AKR1D1: variants seen among roughly 807,000 people sequenced by gnomAD.
AKR1D1 encodes the protein aldo-keto reductase family 1 member D1, also known as delta(4)-3-ketosteroid 5-beta-reductase.
AKR1D1 carries 32 observed loss-of-function variants against 42.6 expected under a neutral mutation model. The ratio of observed to expected loss-of-function variants is 0.75; its 90% CI spans 0.57 to 1.01. AKR1D1 has a LOEUF of 1.01. AKR1D1 is among the 50% of genes least tolerant of loss of function. The pLI, the probability that AKR1D1 is intolerant of heterozygous loss-of-function variation, is 0.00. For synonymous variants in AKR1D1, 123 were observed against 135.5 expected (o/e 0.91, Z 0.64); for missense variants, 364 against 402.2 (o/e 0.91, Z 0.81).
chr7:138,113,736 C>A lies in AKR1D1; in HGVS notation c.902C>A (p.Ala301Asp). The change falls in exon 8 of 9, where the codon GCC becomes GAC. Residue 301 changes from alanine to aspartate, a missense_variant. Ala to Asp is a moderately radical substitution (Grantham distance 126). Transcript: ENST00000242375. Reference sequence around the variant, plus strand: ...GAAGAAGAAATGAAGGACATTGAAGCCTTGAATAAAAATGTCCGCTTTGTA... The same window carrying A: ...GAAGAAGAAATGAAGGACATTGAAGACTTGAATAAAAATGTCCGCTTTGTA... The part of the protein sequence containing the change: ...LTEEEMKDIE[A>D]LNKNVRFVEL... The A allele has an allele frequency of 6.2e-7, 1 of 1,614,096 alleles. No homozygotes were observed. Among genetic ancestry groups the A allele is most frequent in the South Asian group, 1.1e-5 (1 of 91,076 alleles).
chr7:138,099,846 G>GA (rs1209398308), intron 4 of AKR1D1, among the ~76,000 whole-genome samples: 14 of 114,438 alleles, frequency 1.2e-4, no homozygotes, highest in Admixed American at 6.1e-4. Flanking sequence ...CTACAAAAAA[G>GA]AAAAAAAAAG....
Position 138,109,025 on chromosome 7 carries a change from C to G in AKR1D1, c.855+1445C>G, listed in dbSNP as rs531620531. Among the ~76,000 whole-genome samples, 6 of 152,298 alleles carry G rather than the reference C, an allele frequency of 3.9e-5. No homozygotes were observed. The South Asian group carries it at 1.0e-3, about 26-fold the overall frequency. ...GCACATATATACATGGGTGCACACA[C>G]ACAGACAGATGTTTATTATAGAATT... On this transcript the variant is annotated intron_variant, in intron 7 of 8. Coordinates refer to ENST00000242375, the MANE Select transcript of AKR1D1 (RefSeq NM_005989.4).
chr7:138,087,793 A>C (rs774625003), intron 1 of AKR1D1, among the ~76,000 whole-genome samples: 2 of 152,050 alleles, frequency 1.3e-5, no homozygotes, highest in Non-Finnish European at 2.9e-5. Context: ...GAAGAGAAAA[A>C]CTAAAGTATT....
chr7:138,098,242 C>A, intron 4 of AKR1D1: 2 of 263,896 alleles, frequency 7.6e-6, no homozygotes, highest in Non-Finnish European at 1.4e-5. Flanking sequence ...AAGATAAATT[C>A]ACAAATCAAA....
At position 138,106,607 on chromosome 7, in the gene AKR1D1, G is replaced by A. The variant is rs749744865; in HGVS notation, c.580-1G>A. 12 of 1,613,544 alleles carry A rather than the reference G, an allele frequency of 7.4e-6. No individual in the cohort carries two copies. The highest frequency in any genetic ancestry group is 1.0e-5 in the Non-Finnish European group (12 of 1,179,472). The stretch of plus-strand genomic sequence containing the variant: ...CTCTGCTCTCCAATGCAACCACATA[G>A]GTTGAGTGCCATCCGTATTTCACCC... On this transcript the variant is annotated splice_acceptor_variant, in intron 5 of 8. Coordinates refer to ENST00000242375, the MANE Select transcript of AKR1D1 (RefSeq NM_005989.4). LOFTEE classifies it high-confidence loss of function.
chr7:138,087,643 A>G (rs933955543), intron 1 of AKR1D1, among the ~76,000 whole-genome samples: 4 of 152,086 alleles, frequency 2.6e-5, no homozygotes, highest in Non-Finnish European at 5.9e-5. Flanking sequence ...AATAATGAAC[A>G]TATCTATCAA....
At chr7:138,107,371 T>C (rs1324688037) in intron 6 of AKR1D1, 44 bp from the exon 7 acceptor site, 1 of 1,601,418 alleles carries the variant, frequency 6.2e-7, no homozygotes, top group South Asian at 1.1e-5. Context: ...CCTTTGGTTC[T>C]CATTATGCAA....
In AKR1D1 at chr7:138,088,679, T is replaced by C. The variant is rs758380535; in HGVS notation, c.172T>C (p.Tyr58His). 1.2e-6 allele frequency: 2 copies of C among 1,613,922 alleles called. No individual in the cohort carries two copies. The highest frequency in any genetic ancestry group is 1.7e-6 in the Non-Finnish European group (2 of 1,180,002). Residue 58 changes from tyrosine (Y) to histidine (H), a missense_variant, in exon 2 of 9, where the codon TAC becomes CAC. By Grantham distance (83) the Tyr-to-His change is moderately conservative. Transcript: ENST00000242375. Reference sequence around the variant, plus strand: ...CCGACATATTGATGGGGCCTACATCTACCAAAATGAACACGAAGTTGGGGA... The same window carrying C: ...CCGACATATTGATGGGGCCTACATCCACCAAAATGAACACGAAGTTGGGGA... ...GYRHIDGAYIYQNEHEVGEAI... is the reference protein window; with the variant it reads ...GYRHIDGAYIHQNEHEVGEAI...
At chr7:138,081,422 C>G (rs1803053547) in intron 1 of AKR1D1, among the ~76,000 whole-genome samples, 1 of 151,426 alleles carries the variant, frequency 6.6e-6, no homozygotes, top group Non-Finnish European at 1.5e-5. Flanking sequence ...GTGCAGCTCC[C>G]TCAGTGTATC....
At chr7:138,093,065 T>G (rs1203720907) in intron 3 of AKR1D1, among the ~76,000 whole-genome samples, 1 of 151,756 alleles carries the variant, frequency 6.6e-6, no homozygotes, top group Non-Finnish European at 1.5e-5. Context: ...ACACTAATAC[T>G]AATTACTTTT....
At chr7:138,083,935 T>G (rs115418642) in intron 1 of AKR1D1, among the ~76,000 whole-genome samples, 2,903 of 152,200 alleles carry the variant, frequency 0.019, 105 homozygotes, top group African/African-American at 0.066. Context: ...TAAAAAAGTA[T>G]TTGTGAGCGA....
chr7:138,093,965 G>C (rs1794136555), intron 3 of AKR1D1, among the ~76,000 whole-genome samples: 1 of 152,154 alleles, frequency 6.6e-6, no homozygotes, highest in Admixed American at 6.5e-5. Context: ...TCATTATGCA[G>C]CACATGACTC....
At chr7:138,104,487 C>T (rs1794376993) in intron 4 of AKR1D1, among the ~76,000 whole-genome samples, 1 of 152,028 alleles carries the variant, frequency 6.6e-6, no homozygotes, top group Non-Finnish European at 1.5e-5. Context: ...CACCTGAGGT[C>T]AGGAGTTCGA....
intron 1 of AKR1D1, among the ~76,000 whole-genome samples, chr7:138,082,868 A>G (rs1393691522): frequency 6.6e-6 from 1 of 152,050 alleles, no homozygotes; most frequent in African/African-American, 2.4e-5. Context: ...ATAATATTAC[A>G]TTGTCTATGT....
chr7:138,091,699 GAAAA>G, intron 2 of AKR1D1, 65 bp from the exon 3 acceptor site: 5 of 1,226,936 alleles, frequency 4.1e-6, no homozygotes, highest in Non-Finnish European at 6.0e-6. Context: ...GTTTTACAAA[GAAAA>G]AGGGGCTGCC....
chr7:138,115,905 G>A (rs375693576), intron 8 of AKR1D1, among the ~76,000 whole-genome samples: 12 of 152,092 alleles, frequency 7.9e-5, no homozygotes, highest in South Asian at 2.1e-4. Context: ...CTCTCAACAC[G>A]CAGGAGGTCT....
chr7:138,106,510 A>C (rs1318498768), intron 5 of AKR1D1, 98 bp from the exon 6 acceptor site: 1 of 865,358 alleles, frequency 1.2e-6, no homozygotes, highest in Non-Finnish European at 2.0e-6. Flanking sequence ...GATTCTATTA[A>C]TAAAATGGAT....
chr7:138,106,533 T>C, intron 5 of AKR1D1, 75 bp from the exon 6 acceptor site: 1 of 1,113,086 alleles, frequency 9.0e-7, no homozygotes, highest in Non-Finnish European at 1.4e-6. Context: ...TATTGAAGAA[T>C]TTTTTTTAAC....
chr7:138,107,243 G>T (rs746283630), intron 6 of AKR1D1, 172 bp from the exon 7 acceptor site: 77 of 787,340 alleles, frequency 9.8e-5, no homozygotes, highest in Non-Finnish European at 1.6e-4. Flanking sequence ...CCCATACTAC[G>T]AGTAACTCTC....
Sources: allele counts gnomAD v4.1 joint callset (sites outside exome capture counted in the v4.1 genomes callset), GRCh38; gene constraint gnomAD v4.1.1; transcripts MANE v1.5; gene names NCBI Gene and HGNC (gene_info 2026-07-23, HGNC 2026-07-21).